OSER1: variants seen among roughly 807,000 people sequenced by gnomAD.
The protein encoded by OSER1 is oxidative stress responsive serine rich 1.
Under a neutral mutation model 26.3 loss-of-function variants are expected in OSER1, and 15 were observed. The ratio of observed to expected loss-of-function variants is 0.57; its 90% CI spans 0.38 to 0.88. The LOEUF (loss-of-function observed/expected upper bound fraction) is 0.88, where lower values mean the gene tolerates loss of function less well. Ranked by LOEUF, OSER1 falls within the 40% of genes least tolerant of loss-of-function variation. The probability of loss-of-function intolerance (pLI) is 0.00; values close to 1 mark genes in which losing one functional copy is unlikely to be tolerated. For synonymous variants in OSER1, 127 were observed against 128.2 expected (o/e 0.99, Z 0.07); for missense variants, 313 against 353.9 (o/e 0.88, Z 0.93).
In OSER1 at chr20:44,197,483, A is replaced by G. The variant is rs759307487; in HGVS notation, c.448T>C (p.Leu150=). 8 of 1,614,148 alleles carry G rather than the reference A, an allele frequency of 5.0e-6. No homozygotes were observed. Among genetic ancestry groups the G allele is most frequent in the Non-Finnish European group, 2.5e-6 (3 of 1,179,996 alleles). ...ANHTGAVVEP[L]RTSVPRLPSE... ...GGGAGCCTTGGAACAGAAGTTCTCA[A>G]AGGCTCAACGACTGCCCCTGTGTGA... is the stretch of plus-strand genomic sequence containing the variant. Residue 150 remains leucine (L), a synonymous_variant, in exon 4 of 4, where the codon TTG becomes CTG. Coordinates refer to ENST00000255174, the MANE Select transcript of OSER1 (RefSeq NM_016470.8).
upstream of OSER1, chr20:44,210,870 C>T (rs2073099636): frequency 6.6e-6 from 1 of 152,228 alleles, no homozygotes; most frequent in African/African-American, 2.4e-5. Context: ...TTATGCTCCT[C>T]CCACCCCAGT....
At chr20:44,207,728 A>C (rs977183150) in intron 1 of OSER1, 2 of 152,264 alleles carry the variant, frequency 1.3e-5, no homozygotes, top group African/African-American at 4.8e-5. Context: ...AGCCTAAAGA[A>C]AGGTTGAAAG....
intron 2 of OSER1, among the ~76,000 whole-genome samples, chr20:44,204,010 A>G (rs2073014665): frequency 1.3e-5 from 2 of 152,232 alleles, no homozygotes; most frequent in African/African-American, 2.4e-5. Flanking sequence ...ACCTATACAT[A>G]TATTATGATC....
Position 44,200,183 on chromosome 20 carries a change from TGA to T in OSER1, c.192-2446_192-2445del, listed in dbSNP as rs1054208151. Among the ~76,000 whole-genome samples, 18 of 152,320 alleles carry T rather than the reference TGA, an allele frequency of 1.2e-4. No homozygotes were observed. In the South Asian group the frequency reaches 2.5e-3, roughly 21 times the overall value. On this transcript the variant is annotated intron_variant, in intron 3 of 3. Transcript: ENST00000255174. ...TCTACTGTTGGCAACTGCTGATCAT[TGA>T]GAGGCAGAATCTCAGTTCAAGACTC...
At chr20:44,202,452 CATT>C (rs1170712456) in intron 3 of OSER1, among the ~76,000 whole-genome samples, 1 of 151,962 alleles carries the variant, frequency 6.6e-6, no homozygotes, top group African/African-American at 2.4e-5. Context: ...AGACAAAAGC[CATT>C]ATGAGGGATT....
At chr20:44,205,344 CT>C (rs1194799565) in intron 2 of OSER1, among the ~76,000 whole-genome samples, 4 of 152,304 alleles carry the variant, frequency 2.6e-5, no homozygotes, top group African/African-American at 9.6e-5. Flanking sequence ...TGCTTCTCTG[CT>C]TTGCTTCTGT....
Position 44,197,404 on chromosome 20 carries a change from C to T in OSER1, c.527G>A (p.Ser176Asn), listed in dbSNP as rs2072930498. Residue 176 changes from serine to asparagine, a missense_variant, in exon 4 of 4, where the codon AGT (serine) becomes AAT (asparagine). Physicochemically the swap from Ser to Asn is conservative, Grantham distance 46. Coordinates refer to ENST00000255174, the MANE Select transcript of OSER1 (RefSeq NM_016470.8). ...SSDATQVPQA[S>N]LKASDLSDFQ... ...GTCAGAGAGATCACTGGCTTTGAGA[C>T]TTGCTTGGGGGACTTGGGTAGCGTC... 1 of 1,614,098 alleles carries T rather than the reference C, an allele frequency of 6.2e-7. No homozygotes were observed. Among genetic ancestry groups the T allele is most frequent in the East Asian group, 2.2e-5 (1 of 44,888 alleles).
At chr20:44,204,672 C>G (rs777435691) in intron 2 of OSER1, among the ~76,000 whole-genome samples, 1 of 152,144 alleles carries the variant, frequency 6.6e-6, no homozygotes, top group African/African-American at 2.4e-5. Context: ...CAGTAGTCAG[C>G]GGTGTCTATT....
chr20:44,208,001 T>C (rs2073055750), intron 1 of OSER1, among the ~76,000 whole-genome samples: 1 of 152,062 alleles, frequency 6.6e-6, no homozygotes, highest in Non-Finnish European at 1.5e-5. Context: ...CCAGCATCTA[T>C]GAACATATCA....
At chr20:44,208,887 A>G (rs1392466459) in intron 1 of OSER1, among the ~76,000 whole-genome samples, 1 of 152,228 alleles carries the variant, frequency 6.6e-6, no homozygotes, top group Non-Finnish European at 1.5e-5. Flanking sequence ...GAAATCAGTC[A>G]GCATTTACGT....
Position 44,202,972 on chromosome 20 carries a change from G to A in OSER1, c.180C>T (p.Asp60=). ...TKPKTTCASK[D]SWHGSTRKSS... is the part of the protein sequence containing the mutation. The stretch of plus-strand genomic sequence containing the variant: ...TAAGAAGCTCTTACCCGTGCCAACT[G>A]TCTTTAGATGCACATGTGGTTTTAG... The change falls in exon 3 of 4, where the codon GAC becomes GAT. Residue 60 remains aspartate (D), a synonymous_variant. Coordinates refer to ENST00000255174, the MANE Select transcript of OSER1 (RefSeq NM_016470.8). 1 of 1,595,190 alleles carries A rather than the reference G, an allele frequency of 6.3e-7. No individual in the cohort carries two copies. The highest frequency in any genetic ancestry group is 8.6e-7 in the Non-Finnish European group (1 of 1,162,902).
intron 3 of OSER1, among the ~76,000 whole-genome samples, chr20:44,201,381 G>A (rs1225353756): frequency 6.6e-6 from 1 of 152,178 alleles, no homozygotes; most frequent in East Asian, 1.9e-4. Context: ...TTTACCAATA[G>A]GACCTGATGG....
At chr20:44,199,128 C>T (rs866171466) in intron 3 of OSER1, among the ~76,000 whole-genome samples, 106 of 152,180 alleles carry the variant, frequency 7.0e-4, no homozygotes, top group African/African-American at 2.2e-3. Flanking sequence ...AGAAAAGCCA[C>T]GAAGTGCTTC....
At chr20:44,208,228 G>A (rs1245995234) in intron 1 of OSER1, among the ~76,000 whole-genome samples, 1 of 148,528 alleles carries the variant, frequency 6.7e-6, no homozygotes, top group Non-Finnish European at 1.5e-5. Context: ...AAGTTATTGT[G>A]AGACCTCTAA....
chr20:44,200,599 G>C (rs2072970778), intron 3 of OSER1, among the ~76,000 whole-genome samples: 1 of 152,224 alleles, frequency 6.6e-6, no homozygotes, highest in African/African-American at 2.4e-5. Context: ...AGTTAAGAGA[G>C]ATGACAGAGT....
intron 2 of OSER1, among the ~76,000 whole-genome samples, chr20:44,205,597 AT>A (rs749277565): frequency 4.6e-5 from 7 of 152,190 alleles, no homozygotes; most frequent in Non-Finnish European, 7.3e-5. Context: ...TAGGTACTGC[AT>A]GCATTTCTTC....
chr20:44,198,489 G>A (rs2072946526), intron 3 of OSER1, among the ~76,000 whole-genome samples: 1 of 152,042 alleles, frequency 6.6e-6, no homozygotes, highest in Non-Finnish European at 1.5e-5. Flanking sequence ...CGTGGTGGTG[G>A]GCGCCTGTAG....
Position 44,202,250 on chromosome 20 carries a change from C to T in OSER1, c.191+711G>A, listed in dbSNP as rs140420402. ...AATTACCCGGGCATGGTGGCGGGCA[C>T]CTGCGTAACCCCAGGTACCTGGGAG... On this transcript the variant is annotated intron_variant, in intron 3 of 3. Coordinates refer to ENST00000255174, the MANE Select transcript of OSER1 (RefSeq NM_016470.8). 2.8e-3 allele frequency among the ~76,000 whole-genome samples: 433 copies of T among 152,216 alleles called. 4 individuals are homozygous for T. Among genetic ancestry groups the T allele is most frequent in the African/African-American group, 9.8e-3 (406 of 41,534 alleles).
chr20:44,198,340 C>T (rs1313770829), intron 3 of OSER1, among the ~76,000 whole-genome samples: 1 of 152,160 alleles, frequency 6.6e-6, no homozygotes, highest in Non-Finnish European at 1.5e-5. Context: ...ATTTAAATAG[C>T]CAGGCGCGGT....
Sources: gnomAD v4.1 joint callset for allele counts (sites outside exome capture counted in the v4.1 genomes callset) on GRCh38, gnomAD v4.1.1 for gene constraint, MANE v1.5 for transcripts, NCBI Gene and HGNC (gene_info 2026-07-23, HGNC 2026-07-21) for gene names.